METTL6: variants seen among roughly 807,000 people sequenced by gnomAD.
METTL6 encodes methyltransferase 6, tRNA N3-cytidine, also known as tRNA N(3)-cytidine methyltransferase METTL6.
METTL6 carries 22 observed loss-of-function variants against 26.4 expected under a neutral mutation model. The observed-to-expected ratio is 0.83, with a 90% CI of 0.59 to 1.19. The LOEUF (loss-of-function observed/expected upper bound fraction) is 1.19. Ranked by LOEUF, METTL6 falls within the 50% of genes most tolerant of loss-of-function variation. The pLI, the probability that METTL6 is intolerant of heterozygous loss-of-function variation, is 0.00. For missense variants in METTL6, 304 were observed against 324.8 expected, an observed-to-expected ratio of 0.94 and a Z score of 0.49; for synonymous variants, 109 against 116.2, an observed-to-expected ratio of 0.94 and a Z score of 0.40.
intron 6 of METTL6, among the ~76,000 whole-genome samples, chr3:15,394,753 G>C (rs1699442193): frequency 1.3e-5 from 2 of 152,120 alleles, no homozygotes; most frequent in Non-Finnish European, 2.9e-5. Flanking sequence ...ATTTCGTTAT[G>C]TACCCAGTAG....
chr3:15,394,726 T>C (rs1460688332), intron 6 of METTL6, among the ~76,000 whole-genome samples: 1 of 152,268 alleles, frequency 6.6e-6, no homozygotes, highest in Non-Finnish European at 1.5e-5. Flanking sequence ...TCAAAGAACA[T>C]CTTTATTTCT....
chr3:15,419,887 A>C (rs2061572781), intron 3 of METTL6, among the ~76,000 whole-genome samples: 1 of 146,802 alleles, frequency 6.8e-6, no homozygotes, highest in South Asian at 2.2e-4. Flanking sequence ...TTTGAGACAG[A>C]GTCTCGCTCT....
intron 6 of METTL6, chr3:15,384,211 TA>T: frequency 5.6e-6 from 2 of 354,332 alleles, no homozygotes; most frequent in Non-Finnish European, 1.1e-5. Context: ...AAAAAAGAGA[TA>T]AAAGAAAACA....
intron 5 of METTL6, among the ~76,000 whole-genome samples, chr3:15,411,828 T>C (rs1222965165): frequency 6.6e-6 from 1 of 151,994 alleles, no homozygotes; most frequent in African/African-American, 2.4e-5. Context: ...AGGAGCACGA[T>C]CTCGGCTCAC....
downstream of METTL6, among the ~76,000 whole-genome samples, chr3:15,407,658 C>T (rs566644594): frequency 6.6e-6 from 1 of 152,258 alleles, no homozygotes; most frequent in South Asian, 2.1e-4. Context: ...ACCGAAGGAC[C>T]AACAGCCCGT....
chr3:15,419,861 CTTTTT>C (rs1324825917), intron 3 of METTL6, among the ~76,000 whole-genome samples: 2 of 132,340 alleles, frequency 1.5e-5, no homozygotes, highest in Non-Finnish European at 1.6e-5. Context: ...AACTGTTTTT[CTTTTT>C]TTTTTTTTTT....
At chr3:15,407,842 T>C (rs1699842704), downstream of METTL6, among the ~76,000 whole-genome samples, 1 of 152,208 alleles carries the variant, frequency 6.6e-6, no homozygotes, top group African/African-American at 2.4e-5. Flanking sequence ...TGTTGTAGTG[T>C]TCTCTTTATG....
intron 6 of METTL6, among the ~76,000 whole-genome samples, chr3:15,389,044 T>TG (rs1699271671): frequency 6.6e-6 from 1 of 151,936 alleles, no homozygotes; most frequent in Non-Finnish European, 1.5e-5. Context: ...TTTATAGAGA[T>TG]GGAGTCTCAC....
At chr3:15,424,282 AT>A (rs1331112940) in intron 3 of METTL6, among the ~76,000 whole-genome samples, 1 of 152,166 alleles carries the variant, frequency 6.6e-6, no homozygotes, top group Non-Finnish European at 1.5e-5. Flanking sequence ...TTATTTGTTT[AT>A]TTAAAGACAG....
chr3:15,385,568 A>G (rs1462117932), intron 6 of METTL6, among the ~76,000 whole-genome samples: 7 of 152,196 alleles, frequency 4.6e-5, no homozygotes, highest in Admixed American at 3.3e-4. Context: ...ACTGCACTCC[A>G]GCCTGGGTGA....
intron 6 of METTL6, among the ~76,000 whole-genome samples, chr3:15,390,137 T>C (rs1699304904): frequency 6.6e-6 from 1 of 152,026 alleles, no homozygotes; most frequent in Non-Finnish European, 1.5e-5. Context: ...AACATTTTAA[T>C]AAGGAGGCTA....
intron 6 of METTL6, among the ~76,000 whole-genome samples, chr3:15,404,273 T>C (rs145365353): frequency 3.0e-4 from 45 of 152,176 alleles, no homozygotes; most frequent in African/African-American, 7.5e-4. Context: ...CTGGTACCCA[T>C]TGAACACAAT....
At chr3:15,397,435 G>A (rs921823882) in intron 6 of METTL6, among the ~76,000 whole-genome samples, 2 of 152,042 alleles carry the variant, frequency 1.3e-5, no homozygotes, top group African/African-American at 2.4e-5. Context: ...GTGCTTCCCC[G>A]GGGAGGCGAT....
chr3:15,399,352 T>C (rs1440043094), intron 6 of METTL6: 1 of 152,160 alleles, frequency 6.6e-6, no homozygotes, highest in Non-Finnish European at 1.5e-5. Flanking sequence ...TTTACTTTCT[T>C]AGCTTGCTTT....
At chr3:15,396,706 TCAGGACC>T (rs1326975467) in intron 6 of METTL6, among the ~76,000 whole-genome samples, 2 of 152,334 alleles carry the variant, frequency 1.3e-5, no homozygotes, top group African/African-American at 4.8e-5. Flanking sequence ...CTTCTAACAG[TCAGGACC>T]CTCAGCTACA....
At position 15,426,564 on chromosome 3, in the gene METTL6, T is replaced by C; in HGVS notation, c.-53A>G. The C allele has an allele frequency of 2.0e-6, 3 of 1,523,162 alleles. No homozygotes were observed. Among genetic ancestry groups the C allele is most frequent in the Non-Finnish European group, 2.7e-6 (3 of 1,108,602 alleles). The allele number at this position is 1,523,162 out of a possible 1,614,324, so 94.4% of individuals were successfully genotyped here. ...CAGCTGAAGATTCTCCATCACCAAA[T>C]AATATGAATCCACGCTAATGGATCA... On this transcript the variant is annotated 5_prime_UTR_variant, in exon 2 of 6. Transcript: ENST00000383790.
At position 15,402,877 on chromosome 3, in the gene METTL6, C is replaced by T. The variant is rs568089145; in HGVS notation, c.*11+8368G>A. Among the ~76,000 whole-genome samples the T allele has an allele frequency of 5.9e-5, 9 of 152,096 alleles. No individual in the cohort carries two copies. In the South Asian group the frequency reaches 1.5e-3, roughly 25 times the overall value. The stretch of plus-strand genomic sequence containing the variant: ...TTGCGAATCTTGTGGCTAATTTATT[C>T]GTCCTAAAAAGACACTCTGGCACCA... On this transcript the variant is annotated intron_variant, in intron 6 of 6. Coordinates refer to the METTL6 transcript ENST00000443029.
intron 3 of METTL6, among the ~76,000 whole-genome samples, chr3:15,418,752 T>C (rs1395235228): frequency 6.6e-6 from 1 of 152,112 alleles, no homozygotes; most frequent in East Asian, 1.9e-4. Context: ...TAGGAATAGC[T>C]GGGCGCAGTG....
chr3:15,419,957 G>A (rs1472120007), intron 3 of METTL6, among the ~76,000 whole-genome samples: 1 of 151,436 alleles, frequency 6.6e-6, no homozygotes, highest in Non-Finnish European at 1.5e-5. Flanking sequence ...CGCCTCCCAG[G>A]TTCATGCCGT....
Sources: allele counts gnomAD v4.1 joint callset (sites outside exome capture counted in the v4.1 genomes callset), GRCh38; gene constraint gnomAD v4.1.1; transcripts MANE v1.5; gene names NCBI Gene and HGNC (gene_info 2026-07-23, HGNC 2026-07-21).